Variants in SZT2 observed in about 807,000 individuals in gnomAD.
The protein encoded by SZT2 is SZT2 subunit of KICSTOR complex.
A neutral mutation model predicts 404.2 loss-of-function variants in SZT2; 216 were observed. That is an observed-to-expected ratio of 0.53 (90% CI 0.48 to 0.60). SZT2 has a LOEUF of 0.60. Ranked by LOEUF, SZT2 falls within the 20% of genes least tolerant of loss-of-function variation. The pLI is 0.00. For missense variants in SZT2, 3,857 were observed against 4,459.2 expected, an observed-to-expected ratio of 0.86 and a Z score of 3.85; for synonymous variants, 1,693 against 1,749.9, an observed-to-expected ratio of 0.97 and a Z score of 0.81.
chr1:43,448,061 C>T lies in SZT2; in HGVS notation c.9564-18C>T, dbSNP rs762769476. The stretch of plus-strand genomic sequence containing the variant: ...TCTTGCTACAACCACCACTCTCCTG[C>T]CCTGCTCCCCACCCCAGGCTACAGT... On this transcript the variant is annotated intron_variant, in intron 68 of 71. Coordinates refer to ENST00000634258, the MANE Select transcript of SZT2 (RefSeq NM_001365999.1). This position sits in a 1 kb window ranked among gnomAD's most constrained non-coding sequence, Gnocchi z 4.2. 7 of 1,601,626 alleles carry T rather than the reference C, an allele frequency of 4.4e-6. No homozygotes were observed. In the Admixed American group the frequency reaches 1.2e-4, roughly 27 times the overall value.
chr1:43,454,041 G>A lies in SZT2; in HGVS notation c.*3561G>A. The A allele has an allele frequency of 8.7e-7, 1 of 1,152,350 alleles. No individual in the cohort carries two copies. Among genetic ancestry groups the A allele is most frequent in the Non-Finnish European group, 1.1e-6 (1 of 937,974 alleles). 71.4% of individuals were successfully genotyped at this position (1,152,350 alleles called of 1,614,324 possible). A position where few individuals can be genotyped will look rare whatever the true frequency, so the allele number is the denominator to read the frequency against. ...GGCGGCCGGAAAAGGAGCAGGACCC[G>A]CGCCTGGAGAAGGTAGGGAGGCCGA... is the stretch of plus-strand genomic sequence containing the variant. On this transcript the variant is annotated 3_prime_UTR_variant, in exon 72 of 72. Coordinates refer to ENST00000634258, the MANE Select transcript of SZT2 (RefSeq NM_001365999.1).
At chr1:43,392,602 G>A (rs7416603) in intron 1 of SZT2, among the ~76,000 whole-genome samples, 2 of 152,140 alleles carry the variant, frequency 1.3e-5, no homozygotes, top group African/African-American at 4.8e-5. Context: ...TTTTAGTAAA[G>A]ACGGGGTTTC....
rs1006061966 is a variant in SZT2, at chr1:43,437,615, G to A, written c.6311G>A (p.Ser2104Asn). The A allele has an allele frequency of 1.9e-6, 3 of 1,614,002 alleles. No homozygotes were observed. In the African/African-American group the frequency reaches 4.0e-5, roughly 22 times the overall value. Residue 2104 changes from serine to asparagine, a missense_variant, in exon 45 of 72, where the codon AGT (serine) becomes AAT (asparagine). By Grantham distance (46) the Ser-to-Asn change is conservative. This residue lies in a region of SZT2 where 261 missense variants were observed against 372.9 expected (regional missense o/e 0.70). Coordinates refer to ENST00000634258, the MANE Select transcript of SZT2 (RefSeq NM_001365999.1). This position sits in a 1 kb window ranked among gnomAD's most constrained non-coding sequence, Gnocchi z 5.3. ...YYLRLLETSC[S>N]DRPWKGDALP... ...CCCAGGCTCCTAGAGACATCCTGCA[G>A]TGACCGGCCATGGAAAGGGGATGCG...
In SZT2 at chr1:43,433,235, C is replaced by G. The variant is rs759531154; in HGVS notation, c.5804+45C>G. 1.9e-6 allele frequency: 3 copies of G among 1,587,012 alleles called. No individual in the cohort carries two copies. The African/African-American group carries it at 4.0e-5, about 21-fold the overall frequency. The stretch of plus-strand genomic sequence containing the variant: ...TGCACCCTCATGCTCCCATTAACCT[C>G]TTCTCTCTGCTCCCACAGTACCTCT... On this transcript the variant is annotated intron_variant, in intron 40 of 71. Transcript: ENST00000634258.
At chr1:43,422,745 T>C in intron 13 of SZT2, 24 bp from the exon 14 acceptor site, 1 of 1,457,296 alleles carries the variant, frequency 6.9e-7, no homozygotes, top group Non-Finnish European at 9.1e-7. Flanking sequence ...CTTGGGCTGC[T>C]CACTGACTCC....
Position 43,439,228 on chromosome 1 carries a change from C to T in SZT2, c.6793-130C>T. 1.3e-6 allele frequency: 2 copies of T among 1,514,918 alleles called. No individual in the cohort carries two copies. The highest frequency in any genetic ancestry group is 2.3e-5 in the East Asian group (1 of 44,334). The allele number at this position is 1,514,918 out of a possible 1,614,324, so 93.8% of individuals were successfully genotyped here. A position where few individuals can be genotyped will look rare whatever the true frequency, so the allele number is the denominator to read the frequency against. ...GGTACACCCATGCCCCCCCGGGGAC[C>T]ATTATTACCCGCCTGTGTCTTCTCA... On this transcript the variant is annotated intron_variant, in intron 48 of 71. Transcript: ENST00000634258. The surrounding 1 kb of genome is among the most constrained non-coding windows in gnomAD (Gnocchi z 4.2).
intron 1 of SZT2, among the ~76,000 whole-genome samples, chr1:43,401,164 G>C (rs1649638579): frequency 6.6e-6 from 1 of 152,002 alleles, no homozygotes; most frequent in Admixed American, 6.6e-5. Context: ...GGTGCAAACG[G>C]CCTGCCCACC....
chr1:43,434,888 A>C (rs917519633), intron 41 of SZT2, among the ~76,000 whole-genome samples: 18 of 152,224 alleles, frequency 1.2e-4, no homozygotes, highest in African/African-American at 4.3e-4. Flanking sequence ...GGAACAGTAG[A>C]AGCTGCTACG....
At position 43,424,429 on chromosome 1, in the gene SZT2, C is replaced by T. The variant is rs766349361; in HGVS notation, c.2468C>T (p.Thr823Ile). Residue 823 changes from threonine (T) to isoleucine (I), a missense_variant, in exon 16 of 72, where the codon ACT becomes ATT. Transcript: ENST00000634258. This position sits in a 1 kb window ranked among gnomAD's most constrained non-coding sequence, Gnocchi z 4.1. ...ATTGCCCAGCTCCTCTCCATCCTCA[C>T]TGAGTATGTCATCCAAGCCTGCCAG... ...SAIAQLLSIL[T>I]EVRLSEGFHF... is the part of the protein sequence containing the mutation. The T allele has an allele frequency of 4.4e-6, 7 of 1,597,278 alleles. 1 individual carries two copies. The highest frequency in any genetic ancestry group is 3.5e-4 in the Middle Eastern group (2 of 5,760).
intron 7 of SZT2, 69 bp from the exon 8 acceptor site, chr1:43,419,665 T>G: frequency 7.4e-7 from 1 of 1,358,634 alleles, no homozygotes; most frequent in Non-Finnish European, 1.0e-6. Flanking sequence ...GCCCAGTCTC[T>G]TTCTCTCCTG....
intron 7 of SZT2, among the ~76,000 whole-genome samples, chr1:43,417,335 G>A (rs1651829437): frequency 6.6e-6 from 1 of 152,166 alleles, no homozygotes; most frequent in African/African-American, 2.4e-5. Context: ...GCAAGATGGG[G>A]GTAAGGAGAT....
chr1:43,452,275 A>C lies in SZT2; in HGVS notation c.*1795A>C. On this transcript the variant is annotated 3_prime_UTR_variant, in exon 72 of 72. Coordinates refer to ENST00000634258, the MANE Select transcript of SZT2 (RefSeq NM_001365999.1). ...GGCCTCCATCTCAGCCTTGACTGCT[A>C]TTCGATCAGCTCCCTGGGGTACTCG... 6.2e-7 allele frequency: 1 copy of C among 1,614,092 alleles called. No individual in the cohort carries two copies. Among genetic ancestry groups the C allele is most frequent in the Non-Finnish European group, 8.5e-7 (1 of 1,179,994 alleles).
chr1:43,439,911 A>T lies in SZT2; in HGVS notation c.7073A>T (p.Asp2358Val), dbSNP rs745732040. Residue 2358 changes from aspartate to valine, a missense_variant, in exon 51 of 72, where the codon GAT (aspartate) becomes GTT (valine). This residue lies in a region of SZT2 where 573 missense variants were observed against 592.4 expected (regional missense o/e 0.97). Coordinates refer to ENST00000634258, the MANE Select transcript of SZT2 (RefSeq NM_001365999.1). This position sits in a 1 kb window ranked among gnomAD's most constrained non-coding sequence, Gnocchi z 4.2. The stretch of plus-strand genomic sequence containing the variant: ...AATGGGGCCCCACGGCTTCGATTGG[A>T]TGTGTGGGAAAAGGGGAACATTAGT... ...AQNGAPRLRL[D>V]VWEKGNISIV... 1 of 1,609,282 alleles carries T rather than the reference A, an allele frequency of 6.2e-7. No homozygotes were observed. Among genetic ancestry groups the T allele is most frequent in the Admixed American group, 1.7e-5 (1 of 59,594 alleles).
Position 43,442,379 on chromosome 1 carries a change from G to A in SZT2, c.7974+11G>A. The A allele has an allele frequency of 6.2e-7, 1 of 1,613,648 alleles. No individual in the cohort carries two copies. The highest frequency in any genetic ancestry group is 8.5e-7 in the Non-Finnish European group (1 of 1,179,754). ...GTTGTGGACAAGAAGGTAAATATGG[G>A]GCCAGGGACTGGGTGGGAAGAGGGG... is the stretch of plus-strand genomic sequence containing the variant. On this transcript the variant is annotated intron_variant, in intron 57 of 71. Transcript: ENST00000634258. The surrounding 1 kb of genome is among the most constrained non-coding windows in gnomAD (Gnocchi z 4.5).
At position 43,450,218 on chromosome 1, in the gene SZT2, C is replaced by T; in HGVS notation, c.10155+47C>T. 6.2e-7 allele frequency: 1 copy of T among 1,613,794 alleles called. No homozygotes were observed. The highest frequency in any genetic ancestry group is 8.5e-7 in the Non-Finnish European group (1 of 1,179,710). The stretch of plus-strand genomic sequence containing the variant: ...TGTGTCAGCCTCATGGGAGGCCGTA[C>T]CCCAAATGCTCCACCTCGGAGCCTG... On this transcript the variant is annotated intron_variant, in intron 71 of 71. Coordinates refer to ENST00000634258, the MANE Select transcript of SZT2 (RefSeq NM_001365999.1). The surrounding 1 kb of genome is among the most constrained non-coding windows in gnomAD (Gnocchi z 4.3).
chr1:43,428,504 A>T lies in SZT2; in HGVS notation c.4166+18A>T. The stretch of plus-strand genomic sequence containing the variant: ...GAATCCAGGTTAGGATTATACTTGA[A>T]TGATGGATAAGGGGGTACACAGACC... On this transcript the variant is annotated intron_variant, in intron 28 of 71. Coordinates refer to ENST00000634258, the MANE Select transcript of SZT2 (RefSeq NM_001365999.1). 6.2e-7 allele frequency: 1 copy of T among 1,610,262 alleles called. No homozygotes were observed. Among genetic ancestry groups the T allele is most frequent in the Non-Finnish European group, 8.5e-7 (1 of 1,179,390 alleles).
rs918852963 is a variant in SZT2 at position 43,448,057 on chromosome 1, C to T, written c.9564-22C>T. 2.5e-6 allele frequency: 4 copies of T among 1,603,922 alleles called. No individual in the cohort carries two copies. Among genetic ancestry groups the T allele is most frequent in the Non-Finnish European group, 3.4e-6 (4 of 1,172,954 alleles). ...TGTCTCTTGCTACAACCACCACTCT[C>T]CTGCCCTGCTCCCCACCCCAGGCTA... is the stretch of plus-strand genomic sequence containing the variant. On this transcript the variant is annotated intron_variant, in intron 68 of 71. Transcript: ENST00000634258. This position sits in a 1 kb window ranked among gnomAD's most constrained non-coding sequence, Gnocchi z 4.2.
chr1:43,448,221 T>C lies in SZT2; in HGVS notation c.9706T>C (p.Ser3236Pro). The C allele has an allele frequency of 6.2e-7, 1 of 1,606,676 alleles. No homozygotes were observed. Among genetic ancestry groups the C allele is most frequent in the South Asian group, 1.1e-5 (1 of 90,140 alleles). Reference protein sequence around the residue: ...GSSAGSPGEASGLILAPGPAP... With the variant: ...GSSAGSPGEAPGLILAPGPAP... The stretch of plus-strand genomic sequence containing the variant: ...TTCAGCTGGCAGCCCTGGGGAGGCC[T>C]CAGGGCTTATTCTAGCGCCTGGACC... The change falls in exon 69 of 72, where the codon TCA becomes CCA. Residue 3236 changes from serine (S) to proline (P), a missense_variant. Ser to Pro is a moderately conservative substitution (Grantham distance 74). Coordinates refer to ENST00000634258, the MANE Select transcript of SZT2 (RefSeq NM_001365999.1). The surrounding 1 kb of genome is among the most constrained non-coding windows in gnomAD (Gnocchi z 4.2).
Position 43,447,862 on chromosome 1 carries a change from C to T in SZT2, c.9454C>T (p.Leu3152=), listed in dbSNP as rs765033282. Residue 3152 remains leucine (L), a synonymous_variant, in exon 68 of 72, where the codon CTG becomes TTG. Transcript: ENST00000634258. ...CGTCCTGCACAGTTCTGGCTCCTAC[C>T]TGGACTCTGAGGGACTTCGACACCA... ...VSAWHSSGSY[L]DSEGLRHQDD... is the part of the protein sequence containing the mutation. The T allele has an allele frequency of 1.9e-6, 3 of 1,614,118 alleles. No homozygotes were observed. Among genetic ancestry groups the T allele is most frequent in the East Asian group, 2.2e-5 (1 of 44,880 alleles).
Sources: gnomAD v4.1 joint callset for allele counts (sites outside exome capture counted in the v4.1 genomes callset) on GRCh38, gnomAD v4.1.1 for gene constraint, gnomAD v4.1.1 regional missense constraint, Gnocchi (gnomAD v3.1) non-coding constraint, MANE v1.5 for transcripts, NCBI Gene and HGNC (gene_info 2026-07-23, HGNC 2026-07-21) for gene names.